The following BLNK variants were observed in gnomAD, a reference collection of about 807,000 sequenced individuals.
BLNK encodes the protein B-cell linker protein.
BLNK carries 29 observed loss-of-function variants against 73.5 expected under a neutral mutation model. The observed-to-expected ratio is 0.39, with a 90% CI of 0.29 to 0.54. The LOEUF (loss-of-function observed/expected upper bound fraction) is 0.54, where lower values mean the gene tolerates loss of function less well. Ranked by LOEUF, BLNK falls within the 20% of genes least tolerant of loss-of-function variation. The probability of loss-of-function intolerance (pLI) is 0.61; values close to 1 mark genes in which losing one functional copy is unlikely to be tolerated. For synonymous variants in BLNK, 176 were observed against 200.8 expected (o/e 0.88, Z 1.04); for missense variants, 460 against 562.8 (o/e 0.82, Z 1.85).
At chr10:96,243,569 A>G (rs1032201188) in intron 2 of BLNK, among the ~76,000 whole-genome samples, 1 of 152,144 alleles carries the variant, frequency 6.6e-6, no homozygotes, top group Non-Finnish European at 1.5e-5. Context: ...AAAGCCGAAC[A>G]AGTGAACAGT....
At chr10:96,238,248 CTT>C (rs1842766723) in intron 3 of BLNK, among the ~76,000 whole-genome samples, 1 of 152,186 alleles carries the variant, frequency 6.6e-6, no homozygotes, top group South Asian at 2.1e-4. Context: ...TATGGTGACT[CTT>C]TTACTGACCT....
chr10:96,216,818 A>C, intron 6 of BLNK, 84 bp from the exon 7 acceptor site: 2 of 1,146,040 alleles, frequency 1.7e-6, no homozygotes, highest in Non-Finnish European at 1.3e-6. Flanking sequence ...TTTAAAAAGC[A>C]TTATTGAGAC....
intron 4 of BLNK, among the ~76,000 whole-genome samples, chr10:96,228,106 T>TTTC (rs1254907196): frequency 4.4e-5 from 6 of 136,902 alleles, no homozygotes; most frequent in African/African-American, 1.5e-4. Flanking sequence ...TTTTTTTTTT[T>TTTC]TTCCTGTTTT....
intron 2 of BLNK, 117 bp downstream of exon 2, chr10:96,246,867 T>G: frequency 1.4e-6 from 1 of 723,272 alleles, no homozygotes; most frequent in South Asian, 1.8e-5. Context: ...TAAAGAAGGG[T>G]TACGTGCTAA....
intron 1 of BLNK, among the ~76,000 whole-genome samples, chr10:96,258,870 C>A (rs868925761): frequency 2.0e-4 from 30 of 152,280 alleles, no homozygotes; most frequent in African/African-American, 7.2e-4. Flanking sequence ...TGATAAAAAA[C>A]ACATAACAAA....
intron 1 of BLNK, among the ~76,000 whole-genome samples, chr10:96,255,308 C>T (rs1554910738): frequency 1.3e-5 from 2 of 152,174 alleles, no homozygotes; most frequent in African/African-American, 2.4e-5. Context: ...CAAGAAATTA[C>T]ATATTTGACA....
intron 6 of BLNK, among the ~76,000 whole-genome samples, chr10:96,219,829 G>A (rs781998394): frequency 6.6e-6 from 1 of 152,178 alleles, no homozygotes; most frequent in African/African-American, 2.4e-5. Context: ...AGAGTAGCCT[G>A]TAAAATCAAG....
chr10:96,220,299 G>A (rs781971171), intron 6 of BLNK, among the ~76,000 whole-genome samples: 1 of 152,058 alleles, frequency 6.6e-6, no homozygotes, highest in Non-Finnish European at 1.5e-5. Flanking sequence ...TTGTCAGTGC[G>A]AGACGACGAA....
intron 1 of BLNK, among the ~76,000 whole-genome samples, chr10:96,267,922 C>T (rs1249849595): frequency 4.6e-5 from 7 of 152,200 alleles, no homozygotes; most frequent in African/African-American, 1.7e-4. Flanking sequence ...CCAGTTGCTT[C>T]ACAGAAAAAT....
chr10:96,191,997 C>T lies in BLNK; in HGVS notation c.1347G>A (p.Leu449=), dbSNP rs868912080. The change falls in exon 17 of 17, where the codon CTG becomes CTA. Residue 449 remains leucine, a synonymous_variant. Transcript: ENST00000224337. ...TTTATGAAACTTTAACTGCATACTT[C>T]AGTCTGGTGGAATCTTTTGTGTTAT... ...SQNNTKDSTR[L]KYAVKVS is the part of the protein sequence containing the mutation. The T allele has an allele frequency of 6.2e-7, 1 of 1,613,552 alleles. No homozygotes were observed. Among genetic ancestry groups the T allele is most frequent in the African/African-American group, 1.3e-5 (1 of 74,866 alleles).
intron 1 of BLNK, among the ~76,000 whole-genome samples, chr10:96,261,179 G>A (rs180868169): frequency 3.5e-4 from 53 of 152,184 alleles, no homozygotes; most frequent in African/African-American, 1.3e-3. Context: ...ATATATAATC[G>A]TGGGTCCCCA....
Position 96,242,804 on chromosome 10 carries a change from G to A in BLNK, c.114-20C>T. ...TTTAGCCTGGAAATAACAACCATGA[G>A]ACAAAAGGTCAGTGAGCAGAACAAT... On this transcript the variant is annotated intron_variant, in intron 2 of 16. Transcript: ENST00000224337. The A allele has an allele frequency of 6.2e-7, 1 of 1,608,468 alleles. No individual in the cohort carries two copies. The highest frequency in any genetic ancestry group is 1.1e-5 in the South Asian group (1 of 90,962).
chr10:96,245,718 G>T (rs1843018914), intron 2 of BLNK, among the ~76,000 whole-genome samples: 1 of 152,130 alleles, frequency 6.6e-6, no homozygotes, highest in South Asian at 2.1e-4. Flanking sequence ...TGGTAGAATG[G>T]CGCATGCACT....
chr10:96,201,025 C>G lies in BLNK; in HGVS notation c.968G>C (p.Gly323Ala). 2 of 1,614,102 alleles carry G rather than the reference C, an allele frequency of 1.2e-6. No individual in the cohort carries two copies. Among genetic ancestry groups the G allele is most frequent in the Non-Finnish European group, 1.7e-6 (2 of 1,179,974 alleles). The change falls in exon 14 of 17, where the codon GGG (glycine) becomes GCG (alanine). Residue 323 changes from glycine (G) to alanine (A), a missense_variant. Physicochemically the swap from Gly to Ala is moderately conservative, Grantham distance 60. This residue lies in a region of BLNK where 233 missense variants were observed against 232.1 expected (regional missense o/e 1.00). Transcript: ENST00000224337. The part of the protein sequence containing the change: ...FTEGGNPTVD[G>A]PLPSFSSNST... ...ATTAGATGAAAAGCTGGGTAGGGGCCCATCCACAGTTGGGTTTCCCCCTTC... is the reference window on the plus strand; with the variant it reads ...ATTAGATGAAAAGCTGGGTAGGGGCGCATCCACAGTTGGGTTTCCCCCTTC...
intron 15 of BLNK, among the ~76,000 whole-genome samples, chr10:96,198,733 T>A (rs1338177938): frequency 6.6e-6 from 1 of 152,204 alleles, no homozygotes; most frequent in East Asian, 1.9e-4. Flanking sequence ...AGTCTCACTC[T>A]TGTTGCCCAG....
Position 96,216,647 on chromosome 10 carries a change from TCTTAC to T in BLNK, c.607+1_607+5del. ...TTTTCAGGTGCTTAAGGCGACAAAC[TCTTAC>T]CTTTTTCAGGTGGAGGTGAACTGCT... On this transcript the variant is annotated splice_donor_variant and splice_donor_5th_base_variant and intron_variant, in intron 7 of 16. Transcript: ENST00000224337. LOFTEE classifies it high-confidence loss of function. 1 of 1,613,856 alleles carries T rather than the reference TCTTAC, an allele frequency of 6.2e-7. No individual in the cohort carries two copies. The highest frequency in any genetic ancestry group is 8.5e-7 in the Non-Finnish European group (1 of 1,179,808).
Position 96,196,905 on chromosome 10 carries a change from G to C in BLNK, c.1251+3C>G. On this transcript the variant is annotated splice_donor_region_variant and intron_variant, in intron 16 of 16. Coordinates refer to ENST00000224337, the MANE Select transcript of BLNK (RefSeq NM_013314.4). ...GAATTGAATTTAAAAAGAAATCACTGACCTCTTCACCATTTTTCTTTCTGC... is the reference window on the plus strand; with the variant it reads ...GAATTGAATTTAAAAAGAAATCACTCACCTCTTCACCATTTTTCTTTCTGC... 6.2e-7 allele frequency: 1 copy of C among 1,612,750 alleles called. No homozygotes were observed. Among genetic ancestry groups the C allele is most frequent in the East Asian group, 2.2e-5 (1 of 44,702 alleles).
At chr10:96,243,381 C>CA (rs1349861971) in intron 2 of BLNK, among the ~76,000 whole-genome samples, 12 of 152,062 alleles carry the variant, frequency 7.9e-5, no homozygotes, top group Non-Finnish European at 1.6e-4. Context: ...TCCATCTCTA[C>CA]AAAAAAATAA....
intron 1 of BLNK, among the ~76,000 whole-genome samples, chr10:96,265,189 G>T (rs1479692471): frequency 6.7e-6 from 1 of 150,168 alleles, no homozygotes; most frequent in Non-Finnish European, 1.5e-5. Context: ...TCATTATGTT[G>T]ACCCGGCTGG....
Sources: allele counts gnomAD v4.1 joint callset (sites outside exome capture counted in the v4.1 genomes callset), GRCh38; gene constraint gnomAD v4.1.1; regional missense constraint gnomAD v4.1.1; transcripts MANE v1.5; gene names NCBI Gene and HGNC (gene_info 2026-07-23, HGNC 2026-07-21).